The following GPC6 variants were observed in gnomAD, a reference collection of about 807,000 sequenced individuals.
The protein encoded by GPC6 is glypican 6, also known as glypican-6.
GPC6 carries 14 observed loss-of-function variants against 55.2 expected under a neutral mutation model. The observed-to-expected ratio is 0.25, with a 90% CI of 0.17 to 0.40. The LOEUF is 0.40. Ranked by LOEUF, GPC6 falls within the 10% of genes least tolerant of loss-of-function variation. GPC6 has a pLI of 1.00. For missense variants in GPC6, 641 were observed against 708.5 expected, an observed-to-expected ratio of 0.90 and a Z score of 1.08; for synonymous variants, 278 against 259.6, an observed-to-expected ratio of 1.07 and a Z score of -0.68.
intron 2 of GPC6, among the ~76,000 whole-genome samples, chr13:93,766,857 C>A (rs1055768235): frequency 3.9e-5 from 6 of 151,988 alleles, no homozygotes; most frequent in African/African-American, 9.7e-5. Context: ...AGCTTAAAAC[C>A]AAATATATAT....
chr13:93,423,056 C>A (rs1341205104), intron 1 of GPC6, among the ~76,000 whole-genome samples: 2 of 152,036 alleles, frequency 1.3e-5, no homozygotes, highest in East Asian at 1.9e-4. Flanking sequence ...CACACCCCAC[C>A]AGCTCCCCGT....
intron 2 of GPC6, among the ~76,000 whole-genome samples, chr13:93,770,685 G>A (rs1408471232): frequency 1.3e-5 from 2 of 152,106 alleles, no homozygotes; most frequent in African/African-American, 4.8e-5. Context: ...TTCCTCAGTA[G>A]TGTCTATTCC....
chr13:94,032,323 C>T (rs1159042916), intron 4 of GPC6, among the ~76,000 whole-genome samples: 2 of 152,124 alleles, frequency 1.3e-5, no homozygotes, highest in South Asian at 4.1e-4. Flanking sequence ...GGGTGCTAAG[C>T]CTTTACTCAG....
At chr13:93,584,392 A>C (rs1398952366) in intron 2 of GPC6, among the ~76,000 whole-genome samples, 1 of 152,162 alleles carries the variant, frequency 6.6e-6, no homozygotes, top group African/African-American at 2.4e-5. Flanking sequence ...TGGTATTTGT[A>C]ATAATTCTAG....
chr13:93,354,358 T>TGTTTG (rs200333440), intron 1 of GPC6, among the ~76,000 whole-genome samples: 1 of 144,282 alleles, frequency 6.9e-6, no homozygotes, highest in African/African-American at 2.6e-5. Flanking sequence ...GATTTTTTTT[T>TGTTTG]TTTTTTTTTT....
intron 1 of GPC6, among the ~76,000 whole-genome samples, chr13:93,316,571 C>A (rs1261103934): frequency 2.0e-5 from 3 of 152,142 alleles, no homozygotes; most frequent in Non-Finnish European, 1.5e-5. Flanking sequence ...CTCTAAACTG[C>A]TATCATCATT....
At chr13:93,993,295 CTTTT>C (rs545224527) in intron 3 of GPC6, among the ~76,000 whole-genome samples, 1 of 139,866 alleles carries the variant, frequency 7.1e-6, no homozygotes. Context: ...TTCTTTCTTT[CTTTT>C]TTTTTTTTTT....
At chr13:93,310,182 T>G (rs772310040) in intron 1 of GPC6, among the ~76,000 whole-genome samples, 2 of 152,218 alleles carry the variant, frequency 1.3e-5, no homozygotes, top group Non-Finnish European at 2.9e-5. Context: ...GATTACTCTC[T>G]GTGACCAAAT....
chr13:94,014,969 G>A (rs9561489), intron 3 of GPC6, among the ~76,000 whole-genome samples: 62,138 of 151,994 alleles, frequency 0.41, 13,888 homozygotes, highest in South Asian at 0.58. Context: ...TTCCAGTTTG[G>A]AGGTACTATG....
At chr13:93,680,798 C>T (rs1881819926) in intron 2 of GPC6, among the ~76,000 whole-genome samples, 1 of 152,128 alleles carries the variant, frequency 6.6e-6, no homozygotes, top group South Asian at 2.1e-4. Flanking sequence ...ATCAATATCT[C>T]CAAGTATGTG....
rs189844022 is a variant in GPC6 at position 93,234,439 on chromosome 13, T to G, written c.160+6823T>G. On this transcript the variant is annotated intron_variant, in intron 1 of 8. Transcript: ENST00000377047. ...GTCCCTTAACAAGCTGTTGAATAAG[T>G]GTTTTAATCAGGATTGGATACAGTT... Among the ~76,000 whole-genome samples, 301 of 152,238 alleles carry G rather than the reference T, an allele frequency of 2.0e-3. 3 individuals carry two copies. The highest frequency in any genetic ancestry group is 0.014 in the East Asian group (74 of 5,178).
intron 2 of GPC6, among the ~76,000 whole-genome samples, chr13:93,546,634 T>A (rs1201832304): frequency 6.6e-6 from 1 of 152,252 alleles, no homozygotes. Flanking sequence ...CTGTGAATGT[T>A]GTTCCCTTAA....
chr13:93,494,853 C>G (rs903673842), intron 1 of GPC6, among the ~76,000 whole-genome samples: 7 of 148,338 alleles, frequency 4.7e-5, no homozygotes, highest in African/African-American at 1.5e-4. Flanking sequence ...ATATTGGCCC[C>G]CACTCTCTTC....
intron 3 of GPC6, among the ~76,000 whole-genome samples, chr13:93,846,242 C>A (rs1163654777): frequency 6.6e-6 from 1 of 152,106 alleles, no homozygotes; most frequent in Non-Finnish European, 1.5e-5. Context: ...CAATGTAATG[C>A]AAGCTAACAA....
chr13:93,955,552 T>C (rs1294161886), intron 3 of GPC6, among the ~76,000 whole-genome samples: 1 of 152,104 alleles, frequency 6.6e-6, no homozygotes, highest in African/African-American at 2.4e-5. Flanking sequence ...TTTCTGCCCT[T>C]AGCACAAAAT....
chr13:93,687,885 GT>G (rs1210176435), intron 2 of GPC6, among the ~76,000 whole-genome samples: 1 of 148,110 alleles, frequency 6.8e-6, no homozygotes, highest in African/African-American at 2.6e-5. Context: ...TAGGATTTTT[GT>G]GTGTTTGGCT....
intron 2 of GPC6, among the ~76,000 whole-genome samples, chr13:93,631,926 G>A (rs1879460129): frequency 6.6e-6 from 1 of 152,146 alleles, no homozygotes; most frequent in African/African-American, 2.4e-5. Context: ...AACATCATCA[G>A]CAAGCTTGTT....
At chr13:94,232,924 T>C (rs1033718912) in intron 4 of GPC6, among the ~76,000 whole-genome samples, 2 of 151,782 alleles carry the variant, frequency 1.3e-5, no homozygotes, top group Non-Finnish European at 2.9e-5. Context: ...AATGTAATTA[T>C]GGTTAATGTA....
intron 1 of GPC6, among the ~76,000 whole-genome samples, chr13:93,348,784 A>G (rs1000328278): frequency 6.6e-6 from 1 of 152,208 alleles, no homozygotes; most frequent in African/African-American, 2.4e-5. Context: ...ACTAGCAGCA[A>G]AGAAAGCCCA....
Sources: gnomAD v4.1 joint callset for allele counts (sites outside exome capture counted in the v4.1 genomes callset) on GRCh38, gnomAD v4.1.1 for gene constraint, MANE v1.5 for transcripts, NCBI Gene and HGNC (gene_info 2026-07-23, HGNC 2026-07-21) for gene names.